CUBN: variants seen among roughly 807,000 people sequenced by gnomAD.
CUBN encodes 460 kDa receptor.
Under a neutral mutation model 405.3 loss-of-function variants are expected in CUBN, and 282 were observed. The ratio of observed to expected loss-of-function variants is 0.70; its 90% CI spans 0.63 to 0.77. The LOEUF is 0.77. CUBN is among the 30% of genes least tolerant of loss of function. CUBN has a pLI of 0.00. For synonymous variants in CUBN, 1,684 were observed against 1,617.0 expected, an observed-to-expected ratio of 1.04 and a Z score of -0.99; for missense variants, 4,514 against 4,475.2, an observed-to-expected ratio of 1.01 and a Z score of -0.25.
chr10:16,918,579 T>C (rs369734528), intron 45 of CUBN, 43 bp downstream of exon 45: 257 of 1,469,716 alleles, frequency 1.7e-4, no homozygotes, highest in Non-Finnish European at 2.0e-4. Flanking sequence ...AATCTGCACA[T>C]GTACCCCTGA....
intron 15 of CUBN, among the ~76,000 whole-genome samples, chr10:17,086,895 T>C (rs971168943): frequency 6.6e-6 from 1 of 152,198 alleles, no homozygotes; most frequent in Non-Finnish European, 1.5e-5. Context: ...AATGAATGTG[T>C]AGGAATTTTT....
intron 39 of CUBN, among the ~76,000 whole-genome samples, chr10:16,936,180 G>T (rs1842498954): frequency 6.6e-6 from 1 of 152,026 alleles, no homozygotes; most frequent in Non-Finnish European, 1.5e-5. Flanking sequence ...AATATTAGAA[G>T]AAAATTTGTT....
intron 31 of CUBN, 94 bp downstream of exon 31, chr10:16,982,390 C>T (rs1198639953): frequency 1.8e-5 from 20 of 1,119,584 alleles, no homozygotes; most frequent in Non-Finnish European, 2.5e-5. Context: ...ACATTAAAAA[C>T]ACCCATAAGT....
chr10:17,055,427 A>G (rs1276276060), intron 22 of CUBN, among the ~76,000 whole-genome samples: 1 of 152,058 alleles, frequency 6.6e-6, no homozygotes, highest in African/African-American at 2.4e-5. Flanking sequence ...ACAGCAATAC[A>G]CATACACAGA....
intron 4 of CUBN, 122 bp downstream of exon 4, chr10:17,126,639 G>T: frequency 2.8e-6 from 3 of 1,063,972 alleles, no homozygotes; most frequent in East Asian, 2.5e-5. Context: ...ATTAAATTAT[G>T]GGAAAAAGCA....
At chr10:17,010,956 G>T (rs11592014) in intron 28 of CUBN, among the ~76,000 whole-genome samples, 56,888 of 152,072 alleles carry the variant, frequency 0.37, 11,051 homozygotes, top group East Asian at 0.58. Context: ...ACAATGTTAA[G>T]AGTCAACCAC....
intron 36 of CUBN, among the ~76,000 whole-genome samples, chr10:16,945,767 CAAAA>C (rs61141075): frequency 2.5e-5 from 2 of 81,414 alleles, no homozygotes; most frequent in Admixed American, 1.3e-4. Context: ...ACTGTGTCTC[CAAAA>C]AAAAAAAAAA....
chr10:16,938,788 A>G (rs931120450), intron 38 of CUBN, among the ~76,000 whole-genome samples, 175 bp downstream of exon 38: 15 of 152,212 alleles, frequency 9.9e-5, no homozygotes, highest in African/African-American at 3.6e-4. Flanking sequence ...AATAATAAAT[A>G]CAATACTGAA....
intron 31 of CUBN, among the ~76,000 whole-genome samples, chr10:16,961,168 C>T (rs1278471090): frequency 6.8e-6 from 1 of 148,066 alleles, no homozygotes; most frequent in African/African-American, 2.4e-5. Flanking sequence ...ACCTCCTGGG[C>T]TCAAGGGATC....
At chr10:17,028,435 A>T (rs1241245092) in intron 27 of CUBN, among the ~76,000 whole-genome samples, 1 of 151,886 alleles carries the variant, frequency 6.6e-6, no homozygotes, top group East Asian at 1.9e-4. Context: ...TTAAATAAAG[A>T]GCCTGCCGGG....
chr10:17,058,800 A>G (rs1835446485), intron 22 of CUBN, among the ~76,000 whole-genome samples: 1 of 152,110 alleles, frequency 6.6e-6, no homozygotes, highest in African/African-American at 2.4e-5. Context: ...ACAAAGCACA[A>G]ATGATTAAAT....
intron 22 of CUBN, among the ~76,000 whole-genome samples, chr10:17,054,412 T>G (rs754062934): frequency 6.6e-6 from 1 of 151,696 alleles, no homozygotes; most frequent in Non-Finnish European, 1.5e-5. Context: ...GTAGTTAATT[T>G]TTATCTAAAG....
intron 51 of CUBN, among the ~76,000 whole-genome samples, chr10:16,901,907 A>ACACCATATATAG (rs1207924602): frequency 7.2e-6 from 1 of 138,848 alleles, no homozygotes; most frequent in East Asian, 2.0e-4. Flanking sequence ...ATATATATAT[A>ACACCATATATAG]TATATATATA....
At position 17,044,253 on chromosome 10, in the gene CUBN, TA is replaced by T. The variant is rs202078584; in HGVS notation, c.3673-271del. ...TAAATACATATATTTATATATGTAT[TA>T]AATATTTATATGTAAACATAAATAT... On this transcript the variant is annotated intron_variant, in intron 25 of 66. Coordinates refer to ENST00000377833, the MANE Select transcript of CUBN (RefSeq NM_001081.4). 0.055 allele frequency among the ~76,000 whole-genome samples: 8,126 copies of T among 147,000 alleles called. 547 individuals are homozygous for T. Among genetic ancestry groups the T allele is most frequent in the African/African-American group, 0.16 (6,345 of 40,620 alleles).
At chr10:17,087,342 C>T (rs1347390776) in intron 15 of CUBN, among the ~76,000 whole-genome samples, 1 of 152,064 alleles carries the variant, frequency 6.6e-6, no homozygotes, top group East Asian at 1.9e-4. Flanking sequence ...TTCTCCTCCT[C>T]CATATTTTAA....
intron 27 of CUBN, among the ~76,000 whole-genome samples, chr10:17,022,945 C>T (rs939085058): frequency 6.6e-6 from 1 of 152,180 alleles, no homozygotes; most frequent in Non-Finnish European, 1.5e-5. Flanking sequence ...ACTATAATCA[C>T]CCTAAGCTCG....
chr10:17,055,448 C>CAG (rs757175391), intron 22 of CUBN, among the ~76,000 whole-genome samples: 13 of 151,634 alleles, frequency 8.6e-5, no homozygotes, highest in East Asian at 1.9e-4. Context: ...GAAAGAGGGA[C>CAG]AGAGAGAGAG....
chr10:16,948,742 T>C (rs2131622470), intron 34 of CUBN, 136 bp from the exon 35 acceptor site: 1 of 1,024,836 alleles, frequency 9.8e-7, no homozygotes, highest in African/African-American at 1.6e-5. Context: ...AACCACTTCA[T>C]TCAGGGTCAA....
At chr10:17,107,295 T>C (rs1261556639) in intron 10 of CUBN, among the ~76,000 whole-genome samples, 2 of 152,204 alleles carry the variant, frequency 1.3e-5, no homozygotes, top group Non-Finnish European at 2.9e-5. Flanking sequence ...CACATCTCAT[T>C]GCAGAAATAT....
Sources: gnomAD v4.1 joint callset for allele counts (sites outside exome capture counted in the v4.1 genomes callset) on GRCh38, gnomAD v4.1.1 for gene constraint, MANE v1.5 for transcripts, NCBI Gene and HGNC (gene_info 2026-07-23, HGNC 2026-07-21) for gene names.